ERGIC2: variants seen among roughly 807,000 people sequenced by gnomAD.
ERGIC2 encodes ERGIC and golgi 2, also known as endoplasmic reticulum-Golgi intermediate compartment protein 2.
Under a neutral mutation model 52.5 loss-of-function variants are expected in ERGIC2, and 31 were observed. The ratio of observed to expected loss-of-function variants is 0.59; its 90% CI spans 0.44 to 0.80. The LOEUF (loss-of-function observed/expected upper bound fraction) is 0.80. Ranked by LOEUF, ERGIC2 falls within the 30% of genes least tolerant of loss-of-function variation. The pLI, the probability that ERGIC2 is intolerant of heterozygous loss-of-function variation, is 0.00. For synonymous variants in ERGIC2, 129 were observed against 140.6 expected, an observed-to-expected ratio of 0.92 and a Z score of 0.58; for missense variants, 395 against 455.2, an observed-to-expected ratio of 0.87 and a Z score of 1.20.
In ERGIC2 at chr12:29,337,675, A is replaced by T. The variant is rs1009008710; in HGVS notation, c.*3481T>A. 6.6e-6 allele frequency: 1 copy of T among 152,202 alleles called. No homozygotes were observed. Among genetic ancestry groups the T allele is most frequent in the Non-Finnish European group, 1.5e-5 (1 of 68,034 alleles). The allele number at this position is 152,202 out of a possible 1,614,324, so 9.4% of individuals were successfully genotyped here. On this transcript the variant is annotated 3_prime_UTR_variant, in exon 14 of 14. Transcript: ENST00000360150. ...GTTTGCTAGAGCTCAAAACAGGAAA[A>T]GTACTAGCTTAAAAGGCATGCTGAG...
chr12:29,341,333 A>G (rs538368907), intron 13 of ERGIC2, 115 bp from the exon 14 acceptor site: 2 of 777,530 alleles, frequency 2.6e-6, no homozygotes, highest in East Asian at 2.7e-5. Context: ...AAAAGCTACT[A>G]TTTCTCTCTC....
At chr12:29,369,632 A>AT (rs1940411431) in intron 3 of ERGIC2, among the ~76,000 whole-genome samples, 2 of 152,042 alleles carry the variant, frequency 1.3e-5, no homozygotes, top group Non-Finnish European at 2.9e-5. Flanking sequence ...AGAAATCCAA[A>AT]TAATACAAAC....
In ERGIC2 at chr12:29,340,408, GCTTT is replaced by G. The variant is rs1204157648; in HGVS notation, c.*744_*747del. The G allele has an allele frequency of 2.6e-5, 4 of 152,336 alleles. No homozygotes were observed. The highest frequency in any genetic ancestry group is 3.9e-4 in the East Asian group (2 of 5,194). 9.4% of individuals were successfully genotyped at this position (152,336 alleles called of 1,614,324 possible). ...CTTGGCATCTTTTTTAAAAAAATGT[GCTTT>G]CTTTTCCGTGTATAAGATTCTACTA... On this transcript the variant is annotated 3_prime_UTR_variant, in exon 14 of 14. Transcript: ENST00000360150.
At chr12:29,351,526 C>A (rs1015716417) in intron 8 of ERGIC2, among the ~76,000 whole-genome samples, 5 of 152,144 alleles carry the variant, frequency 3.3e-5, no homozygotes, top group Non-Finnish European at 7.4e-5. Context: ...GTTCTAGTAA[C>A]ATCTGTCCAC....
rs186962702 is a variant in ERGIC2, at chr12:29,360,903, T to C, written c.374+742A>G. Among the ~76,000 whole-genome samples, 37 of 151,624 alleles carry C rather than the reference T, an allele frequency of 2.4e-4. No homozygotes were observed. In the East Asian group the frequency reaches 5.6e-3, roughly 23 times the overall value. On this transcript the variant is annotated intron_variant, in intron 6 of 13. Coordinates refer to ENST00000360150, the MANE Select transcript of ERGIC2 (RefSeq NM_016570.3). ...AAACACACTAACTATAGCTGATCAGTTAAAAAAAAAAGAAAATCACAAAAA... is the reference window on the plus strand; with the variant it reads ...AAACACACTAACTATAGCTGATCAGCTAAAAAAAAAAGAAAATCACAAAAA...
chr12:29,378,172 T>G (rs899408582), intron 1 of ERGIC2, among the ~76,000 whole-genome samples: 1 of 152,162 alleles, frequency 6.6e-6, no homozygotes, highest in African/African-American at 2.4e-5. Flanking sequence ...AAGAAGGCCA[T>G]GTGAAGACAC....
chr12:29,380,227 T>A (rs1252450636), intron 1 of ERGIC2, among the ~76,000 whole-genome samples: 3 of 152,170 alleles, frequency 2.0e-5, no homozygotes, highest in Admixed American at 6.5e-5. Context: ...CTTTTTTCAG[T>A]GAACAAGCCA....
At chr12:29,343,373 G>A (rs1274787452) in intron 11 of ERGIC2, 91 bp from the exon 12 acceptor site, 11 of 921,510 alleles carry the variant, frequency 1.2e-5, no homozygotes, top group Non-Finnish European at 1.6e-5. Context: ...TCAATATTAA[G>A]CCCTGAAGCC....
At chr12:29,360,636 GA>G (rs1940271911) in intron 6 of ERGIC2, among the ~76,000 whole-genome samples, 1 of 147,024 alleles carries the variant, frequency 6.8e-6, no homozygotes, top group South Asian at 2.1e-4. Context: ...TTATATGTAA[GA>G]ATTATCATAA....
At chr12:29,351,107 A>ACAT (rs976220104) in intron 8 of ERGIC2, among the ~76,000 whole-genome samples, 5 of 152,112 alleles carry the variant, frequency 3.3e-5, no homozygotes, top group Admixed American at 6.6e-5. Context: ...TCAAACTGCT[A>ACAT]TGTAGTAGGG....
At position 29,343,020 on chromosome 12, in the gene ERGIC2, G is replaced by A. The variant is rs138185948; in HGVS notation, c.988+100C>T. 1.8e-5 allele frequency: 18 copies of A among 998,818 alleles called. No individual in the cohort carries two copies. The African/African-American group carries it at 2.5e-4, about 14-fold the overall frequency. The allele number at this position is 998,818 out of a possible 1,614,324, so 61.9% of individuals were successfully genotyped here. A position where few individuals can be genotyped will look rare whatever the true frequency, so the allele number is the denominator to read the frequency against. On this transcript the variant is annotated intron_variant, in intron 12 of 13. Coordinates refer to ENST00000360150, the MANE Select transcript of ERGIC2 (RefSeq NM_016570.3). ...TTAAAGCAAAAGCTATTTAAACACC[G>A]AAACATGAAAATCTGTATACTTCTT...
rs755445911 is a variant in ERGIC2, at chr12:29,345,549, C to CA, written c.728-10dup. Reference sequence around the variant, plus strand: ...TTGGAACATCTGGTTGTCTAGAATACAAAAAAAACTTTTTATCAATTCAGT... The same window carrying CA: ...TTGGAACATCTGGTTGTCTAGAATACAAAAAAAAACTTTTTATCAATTCAGT... On this transcript the variant is annotated splice_polypyrimidine_tract_variant and intron_variant, in intron 10 of 13. Coordinates refer to ENST00000360150, the MANE Select transcript of ERGIC2 (RefSeq NM_016570.3). The CA allele has an allele frequency of 5.8e-5, 85 of 1,468,258 alleles. 1 individual carries two copies. The highest frequency in any genetic ancestry group is 3.5e-4 in the Middle Eastern group (2 of 5,752). 91.0% of individuals were successfully genotyped at this position (1,468,258 alleles called of 1,614,324 possible).
At chr12:29,348,231 A>G (rs1198663702) in intron 10 of ERGIC2, among the ~76,000 whole-genome samples, 1 of 152,148 alleles carries the variant, frequency 6.6e-6, no homozygotes, top group Non-Finnish European at 1.5e-5. Flanking sequence ...CATCTTTAAT[A>G]TATGATTATA....
rs1940582820 is a variant in ERGIC2 at position 29,381,100 on chromosome 12, G to A, written c.-38+15C>T. On this transcript the variant is annotated intron_variant, in intron 1 of 13. Coordinates refer to ENST00000360150, the MANE Select transcript of ERGIC2 (RefSeq NM_016570.3). ...AACCGAGGGAACAGCACCCAGCGGT[G>A]TTTCAGTATTTTACCTTGTGTTATG... The A allele has an allele frequency of 6.6e-6, 1 of 152,166 alleles. No individual in the cohort carries two copies. Among genetic ancestry groups the A allele is most frequent in the East Asian group, 1.9e-4 (1 of 5,180 alleles). The allele number at this position is 152,166 out of a possible 1,614,324, so 9.4% of individuals were successfully genotyped here. A position where few individuals can be genotyped will look rare whatever the true frequency, so the allele number is the denominator to read the frequency against.
chr12:29,342,657 G>A (rs1162981116), intron 12 of ERGIC2, among the ~76,000 whole-genome samples: 2 of 152,092 alleles, frequency 1.3e-5, no homozygotes, highest in Non-Finnish European at 2.9e-5. Flanking sequence ...TTCATGTATT[G>A]CATAATTCAA....
chr12:29,378,892 G>C (rs920703596), intron 1 of ERGIC2, among the ~76,000 whole-genome samples: 1 of 152,094 alleles, frequency 6.6e-6, no homozygotes. Context: ...GGACATAATG[G>C]CTACCTCACA....
intron 8 of ERGIC2, among the ~76,000 whole-genome samples, chr12:29,354,886 A>G (rs1296131611): frequency 6.6e-6 from 1 of 152,204 alleles, no homozygotes; most frequent in Non-Finnish European, 1.5e-5. Context: ...TTAAGCTAAG[A>G]TTTCAAGACA....
chr12:29,375,348 G>A (rs1018649498), intron 1 of ERGIC2, among the ~76,000 whole-genome samples: 3 of 152,086 alleles, frequency 2.0e-5, no homozygotes, highest in Non-Finnish European at 4.4e-5. Flanking sequence ...AATGCCTAGC[G>A]AACAGGTATT....
Position 29,349,151 on chromosome 12 carries a change from G to A in ERGIC2, c.655C>T (p.His219Tyr), listed in dbSNP as rs1940097607. 1 of 1,571,368 alleles carries A rather than the reference G, an allele frequency of 6.4e-7. No individual in the cohort carries two copies. The highest frequency in any genetic ancestry group is 8.6e-7 in the Non-Finnish European group (1 of 1,160,324). ...GGAACAAGCTCTCCAAAAGACAAAT[G>A]ATCTATTCTATGAGAAAAATTGTAA... ...ESYNFSHRID[H>Y]LSFGELVPAI... Residue 219 changes from histidine to tyrosine, a missense_variant, in exon 10 of 14, where the codon CAT becomes TAT. Transcript: ENST00000360150.
Sources: allele counts gnomAD v4.1 joint callset (sites outside exome capture counted in the v4.1 genomes callset), GRCh38; gene constraint gnomAD v4.1.1; transcripts MANE v1.5; gene names NCBI Gene and HGNC (gene_info 2026-07-23, HGNC 2026-07-21).